PREX1: variants seen among roughly 807,000 people sequenced by gnomAD.
PREX1 encodes phosphatidylinositol-3,4,5-trisphosphate dependent Rac exchange factor 1.
Under a neutral mutation model 198.3 loss-of-function variants are expected in PREX1, and 41 were observed. The observed-to-expected ratio is 0.21, with a 90% CI of 0.16 to 0.27. The LOEUF is 0.27. Among genes scored for constraint, PREX1 ranks in the 10% least tolerant of loss-of-function variants. PREX1 has a pLI of 1.00. For missense variants in PREX1, 1,620 were observed against 2,200.7 expected (o/e 0.74, Z 5.28); for synonymous variants, 843 against 887.2 (o/e 0.95, Z 0.89).
At chr20:48,652,163 G>A (rs2089503261) in intron 21 of PREX1, among the ~76,000 whole-genome samples, 1 of 152,196 alleles carries the variant, frequency 6.6e-6, no homozygotes, top group African/African-American at 2.4e-5. Flanking sequence ...CGTGCGCAGT[G>A]GTGCACACCT....
intron 1 of PREX1, among the ~76,000 whole-genome samples, chr20:48,824,658 C>T (rs1264078265): frequency 6.6e-6 from 1 of 152,196 alleles, no homozygotes; most frequent in Non-Finnish European, 1.5e-5. Context: ...CTATTAACAT[C>T]CCTCTTTTTA....
At chr20:48,771,408 T>C (rs1379963699) in intron 1 of PREX1, among the ~76,000 whole-genome samples, 2 of 151,816 alleles carry the variant, frequency 1.3e-5, no homozygotes, top group Admixed American at 1.3e-4. Context: ...TTTGGGAGTC[T>C]CTTGTTGTCT....
chr20:48,777,577 G>C (rs2090268256), intron 1 of PREX1, among the ~76,000 whole-genome samples: 1 of 152,102 alleles, frequency 6.6e-6, no homozygotes, highest in Admixed American at 6.5e-5. Flanking sequence ...AAATGCTGTT[G>C]CCCTCAAGAG....
At chr20:48,736,540 G>C (rs965618181) in intron 3 of PREX1, among the ~76,000 whole-genome samples, 3 of 152,190 alleles carry the variant, frequency 2.0e-5, no homozygotes, top group Non-Finnish European at 2.9e-5. Context: ...TGCCCAGGCA[G>C]ACCTTTTTCT....
At chr20:48,639,242 G>A (rs758841352) in intron 30 of PREX1, among the ~76,000 whole-genome samples, 1 of 152,214 alleles carries the variant, frequency 6.6e-6, no homozygotes, top group African/African-American at 2.4e-5. Context: ...ATGGGAGACT[G>A]GGCCTAGAGT....
chr20:48,709,458 T>A (rs1321872816), intron 5 of PREX1, among the ~76,000 whole-genome samples: 1 of 152,178 alleles, frequency 6.6e-6, no homozygotes, highest in African/African-American at 2.4e-5. Flanking sequence ...CCCCTCTCTA[T>A]CCCGGGCCTC....
chr20:48,644,622 G>C, intron 26 of PREX1, 125 bp from the exon 27 acceptor site: 1 of 809,162 alleles, frequency 1.2e-6, no homozygotes, highest in Non-Finnish European at 1.9e-6. Flanking sequence ...GTGCAGCCCA[G>C]AGAGGGCACC....
Position 48,691,571 on chromosome 20 carries a change from G to T in PREX1, c.1037-475C>A, listed in dbSNP as rs2089819658. 6.6e-6 allele frequency among the ~76,000 whole-genome samples: 1 copy of T among 152,204 alleles called. No homozygotes were observed. The highest frequency in any genetic ancestry group is 2.4e-5 in the African/African-American group (1 of 41,456). On this transcript the variant is annotated intron_variant, in intron 8 of 39. Coordinates refer to ENST00000371941, the MANE Select transcript of PREX1 (RefSeq NM_020820.4). This position sits in a 1 kb window ranked among gnomAD's most constrained non-coding sequence, Gnocchi z 5.0. ...AGGGAAGCGAAAGCCTGAATCTGAG[G>T]AGGGCTCCACGGGCTTCATGAGACT...
At chr20:48,847,105 T>C in the PREX1 span, among the ~76,000 whole-genome samples, 1 of 152,022 alleles carries the variant, frequency 6.6e-6, no homozygotes, top group Non-Finnish European at 1.5e-5. Context: ...GGGGCCTGCT[T>C]TGGGGCTTTC....
intron 1 of PREX1, among the ~76,000 whole-genome samples, chr20:48,783,184 A>G (rs2090297529): frequency 6.6e-6 from 1 of 152,148 alleles, no homozygotes; most frequent in Non-Finnish European, 1.5e-5. Context: ...ACCATTTGTA[A>G]AGTGTGTGAA....
At chr20:48,725,104 C>T (rs1263641736) in intron 5 of PREX1, among the ~76,000 whole-genome samples, 1 of 152,194 alleles carries the variant, frequency 6.6e-6, no homozygotes, top group African/African-American at 2.4e-5. Context: ...GAGGCTCCAG[C>T]ATCACCCACC....
intron 1 of PREX1, among the ~76,000 whole-genome samples, chr20:48,800,059 G>A (rs2090379654): frequency 1.3e-5 from 2 of 152,210 alleles, no homozygotes; most frequent in African/African-American, 2.4e-5. Flanking sequence ...CTTCTCTCCT[G>A]TCCATGTGGG....
intron 1 of PREX1, among the ~76,000 whole-genome samples, chr20:48,777,737 A>G (rs1045352205): frequency 5.3e-5 from 8 of 152,234 alleles, no homozygotes; most frequent in Non-Finnish European, 1.0e-4. Context: ...TAAAATGGGC[A>G]TAACGACAGC....
Position 48,661,468 on chromosome 20 carries a change from T to TATATAC in PREX1, c.1739-1408_1739-1407insGTATAT, listed in dbSNP as rs1373152651. ...AAATATATATATATATATATATATA[T>TATATAC]ACACACACATATATATAATATAATA... On this transcript the variant is annotated intron_variant, in intron 15 of 39. Coordinates refer to ENST00000371941, the MANE Select transcript of PREX1 (RefSeq NM_020820.4). 3.9e-3 allele frequency among the ~76,000 whole-genome samples: 301 copies of TATATAC among 76,244 alleles called. 2 individuals carry two copies. Among genetic ancestry groups the TATATAC allele is most frequent in the African/African-American group, 0.011 (110 of 9,878 alleles). The allele number at this position is 76,244 out of a possible 152,430, so 50.0% of individuals were successfully genotyped here.
In PREX1 at chr20:48,655,386, T is replaced by G. The variant is rs754993321; in HGVS notation, c.2124-11A>C. 2.0e-6 allele frequency: 3 copies of G among 1,528,582 alleles called. No individual in the cohort carries two copies. The highest frequency in any genetic ancestry group is 2.7e-6 in the Non-Finnish European group (3 of 1,128,920). The allele number at this position is 1,528,582 out of a possible 1,614,324, so 94.7% of individuals were successfully genotyped here. On this transcript the variant is annotated splice_polypyrimidine_tract_variant and intron_variant, in intron 18 of 39. Coordinates refer to ENST00000371941, the MANE Select transcript of PREX1 (RefSeq NM_020820.4). ...GGGATTTTGATGATCCTGCACCAGG[T>G]AGAAGAGGCAGGGAAAAAGGCCATG...
At chr20:48,750,717 C>T (rs981915994) in intron 1 of PREX1, among the ~76,000 whole-genome samples, 2 of 152,130 alleles carry the variant, frequency 1.3e-5, no homozygotes, top group African/African-American at 2.4e-5. Context: ...TCCCATCTTG[C>T]GTTAGGAGCT....
At chr20:48,755,367 T>G (rs1490847270) in intron 1 of PREX1, among the ~76,000 whole-genome samples, 1 of 152,194 alleles carries the variant, frequency 6.6e-6, no homozygotes, top group Admixed American at 6.5e-5. Flanking sequence ...TCCTTTTCCT[T>G]TAGAAACAGA....
the PREX1 span, among the ~76,000 whole-genome samples, chr20:48,837,529 C>A: frequency 6.6e-6 from 1 of 152,106 alleles, no homozygotes; most frequent in Non-Finnish European, 1.5e-5. Context: ...GGAACGTGGA[C>A]GGAGCTGTAG....
At chr20:48,704,073 C>A (rs1435891785) in intron 6 of PREX1, among the ~76,000 whole-genome samples, 2 of 152,220 alleles carry the variant, frequency 1.3e-5, no homozygotes, top group Non-Finnish European at 2.9e-5. Flanking sequence ...ACGCACTGTT[C>A]TAAATATCTT....
Sources: allele counts gnomAD v4.1 joint callset (sites outside exome capture counted in the v4.1 genomes callset), GRCh38; gene constraint gnomAD v4.1.1; non-coding constraint Gnocchi (gnomAD v3.1); transcripts MANE v1.5; gene names NCBI Gene and HGNC (gene_info 2026-07-23, HGNC 2026-07-21).